Variants in DLC1 observed in about 807,000 individuals in gnomAD.
DLC1 encodes rho GTPase-activating protein 7.
Under a neutral mutation model 140.3 loss-of-function variants are expected in DLC1, and 54 were observed. That is an observed-to-expected ratio of 0.38 (90% CI 0.31 to 0.48). The LOEUF (loss-of-function observed/expected upper bound fraction) is 0.48, where lower values mean the gene tolerates loss of function less well. DLC1 is among the 20% of genes least tolerant of loss of function. The pLI is 0.96. For missense variants in DLC1, 2,536 were observed against 1,907.0 expected (o/e 1.33, Z -6.14); for synonymous variants, 986 against 728.1 (o/e 1.35, Z -5.70).
intron 4 of DLC1, among the ~76,000 whole-genome samples, chr8:13,372,237 A>G (rs1007594846): frequency 2.6e-5 from 4 of 152,206 alleles, no homozygotes; most frequent in Non-Finnish European, 5.9e-5. Flanking sequence ...TTAGTTTTAT[A>G]TAGAGGTTAT....
intron 5 of DLC1, among the ~76,000 whole-genome samples, chr8:13,202,972 C>G (rs958638470): frequency 6.6e-6 from 1 of 152,162 alleles, no homozygotes; most frequent in African/African-American, 2.4e-5. Context: ...CAAGCTTCCC[C>G]CTTGTAACAC....
chr8:13,487,734 G>A (rs1047648722), intron 2 of DLC1, among the ~76,000 whole-genome samples: 2 of 151,982 alleles, frequency 1.3e-5, no homozygotes, highest in South Asian at 2.1e-4. Context: ...CACCATGTCC[G>A]GCTAATTTTT....
At chr8:13,204,968 G>T (rs537159934) in intron 5 of DLC1, among the ~76,000 whole-genome samples, 1 of 152,148 alleles carries the variant, frequency 6.6e-6, no homozygotes, top group South Asian at 2.1e-4. Context: ...ACACTAATTG[G>T]CTTGCTTCTT....
chr8:13,571,171 C>G (rs1032311135), intron 1 of DLC1, among the ~76,000 whole-genome samples: 1 of 152,174 alleles, frequency 6.6e-6, no homozygotes, highest in Non-Finnish European at 1.5e-5. Context: ...ATTATGTGCT[C>G]TCTTCAGCAC....
At chr8:13,268,899 G>T (rs1412876172) in intron 5 of DLC1, among the ~76,000 whole-genome samples, 1 of 140,442 alleles carries the variant, frequency 7.1e-6, no homozygotes, top group East Asian at 2.1e-4. Flanking sequence ...TTTTGAGATG[G>T]AGTCTCACTC....
At chr8:13,235,567 C>T (rs904056833) in intron 5 of DLC1, among the ~76,000 whole-genome samples, 1 of 151,938 alleles carries the variant, frequency 6.6e-6, no homozygotes. Flanking sequence ...CAAATGAAAA[C>T]AGATGAGACA....
At chr8:13,401,982 T>A (rs1431456116) in intron 2 of DLC1, among the ~76,000 whole-genome samples, 4 of 152,230 alleles carry the variant, frequency 2.6e-5, no homozygotes, top group Non-Finnish European at 5.9e-5. Context: ...AAGGTACTAA[T>A]AATTATTTGT....
In DLC1 at chr8:13,252,758, G is replaced by A. The variant is rs532228565; in HGVS notation, c.1348+52511C>T. Among the ~76,000 whole-genome samples the A allele has an allele frequency of 1.1e-4, 16 of 152,242 alleles. No individual in the cohort carries two copies. The South Asian group carries it at 2.3e-3, about 22-fold the overall frequency. On this transcript the variant is annotated intron_variant, in intron 5 of 17. Transcript: ENST00000276297. ...GTGGAAAAATGAGCAAAAGATTTAC[G>A]TCATGCTCCAAAGAACTGTTCCATT...
At chr8:13,443,169 A>C (rs1798611560) in intron 2 of DLC1, among the ~76,000 whole-genome samples, 1 of 148,146 alleles carries the variant, frequency 6.8e-6, no homozygotes, top group Admixed American at 6.8e-5. Context: ...ACACATGGAC[A>C]CAGGAAGGGA....
intron 1 of DLC1, among the ~76,000 whole-genome samples, chr8:13,513,987 A>G (rs571103305): frequency 2.6e-5 from 4 of 152,310 alleles, no homozygotes; most frequent in South Asian, 2.1e-4. Flanking sequence ...CAAAACTCAG[A>G]TTAAATACTA....
At chr8:13,382,198 T>C (rs1836293626) in intron 4 of DLC1, among the ~76,000 whole-genome samples, 1 of 152,132 alleles carries the variant, frequency 6.6e-6, no homozygotes, top group Non-Finnish European at 1.5e-5. Flanking sequence ...TTCTGACTTC[T>C]TATTACGTAT....
At chr8:13,314,936 A>C (rs1413525313) in intron 4 of DLC1, among the ~76,000 whole-genome samples, 1 of 152,204 alleles carries the variant, frequency 6.6e-6, no homozygotes, top group Non-Finnish European at 1.5e-5. Context: ...TGCGTGGTCT[A>C]ACCTAAAATG....
intron 2 of DLC1, among the ~76,000 whole-genome samples, chr8:13,431,197 A>G (rs1022957783): frequency 6.6e-6 from 1 of 152,190 alleles, no homozygotes; most frequent in African/African-American, 2.4e-5. Flanking sequence ...TCAAGAATCA[A>G]GCATTGGCCA....
chr8:13,595,232 A>G (rs183341095), intron 1 of DLC1, among the ~76,000 whole-genome samples: 2 of 152,164 alleles, frequency 1.3e-5, no homozygotes, highest in Admixed American at 6.6e-5. Context: ...TTTTCCAACA[A>G]AAATCACAAG....
intron 5 of DLC1, among the ~76,000 whole-genome samples, chr8:13,142,110 G>A (rs577393265): frequency 2.6e-5 from 4 of 152,276 alleles, no homozygotes; most frequent in East Asian, 1.9e-4. Context: ...CGCTCCTGCC[G>A]CCTTGTGAAG....
chr8:13,175,059 G>C (rs912710686), intron 5 of DLC1, among the ~76,000 whole-genome samples: 1 of 152,058 alleles, frequency 6.6e-6, no homozygotes, highest in Non-Finnish European at 1.5e-5. Flanking sequence ...GAAAGGTAGG[G>C]GTCCATTCTT....
At chr8:13,086,997 C>A (rs1036295389) in intron 16 of DLC1, among the ~76,000 whole-genome samples, 14 of 152,156 alleles carry the variant, frequency 9.2e-5, no homozygotes, top group Admixed American at 6.5e-4. Flanking sequence ...GATACCCCCC[C>A]ATCTCAAAAT....
At chr8:13,568,259 A>G in intron 1 of DLC1, 1 of 244,104 alleles carries the variant, frequency 4.1e-6, no homozygotes, top group Non-Finnish European at 8.5e-6. Context: ...GCTATGGGGA[A>G]TTAATAAATA....
chr8:13,453,387 GATATATATATATATGTGT>G (rs1799161690), intron 2 of DLC1, among the ~76,000 whole-genome samples: 4 of 52,452 alleles, frequency 7.6e-5, no homozygotes, highest in Admixed American at 3.0e-4. Context: ...GATGGCCCAG[GATATATATATATATGTGT>G]ATATATATAT....
Sources: gnomAD v4.1 joint callset for allele counts (sites outside exome capture counted in the v4.1 genomes callset) on GRCh38, gnomAD v4.1.1 for gene constraint, MANE v1.5 for transcripts, NCBI Gene and HGNC (gene_info 2026-07-23, HGNC 2026-07-21) for gene names.